Variants in ADAMTS3 observed in about 807,000 individuals in gnomAD.
ADAMTS3 encodes ADAM metallopeptidase with thrombospondin type 1 motif 3, also known as A disintegrin and metalloproteinase with thrombospondin motifs 3.
In ADAMTS3, 73 loss-of-function variants were observed where a neutral mutation model predicts 129.0. The ratio of observed to expected loss-of-function variants is 0.57; its 90% CI spans 0.47 to 0.69. The LOEUF (loss-of-function observed/expected upper bound fraction) is 0.69. ADAMTS3 is among the 30% of genes least tolerant of loss of function. The pLI, the probability that ADAMTS3 is intolerant of heterozygous loss-of-function variation, is 0.00. For missense variants in ADAMTS3, 1,457 were observed against 1,514.5 expected, an observed-to-expected ratio of 0.96 and a Z score of 0.63; for synonymous variants, 477 against 510.8, an observed-to-expected ratio of 0.93 and a Z score of 0.89.
intron 9 of ADAMTS3, 49 bp from the exon 10 acceptor site, chr4:72,318,753 T>C (rs573736986): frequency 6.4e-7 from 1 of 1,571,632 alleles, no homozygotes; most frequent in Non-Finnish European, 8.7e-7. Context: ...CTTAAAAAAA[T>C]CATGTCCTGA....
chr4:72,471,989 C>T (rs1166796652), intron 3 of ADAMTS3, among the ~76,000 whole-genome samples: 7 of 151,954 alleles, frequency 4.6e-5, no homozygotes, highest in Non-Finnish European at 1.5e-5. Context: ...GATCACTTCT[C>T]CCTCAGTTGG....
chr4:72,461,623 C>T (rs1305288920), intron 3 of ADAMTS3, among the ~76,000 whole-genome samples: 1 of 151,732 alleles, frequency 6.6e-6, no homozygotes, highest in Non-Finnish European at 1.5e-5. Flanking sequence ...TCTTGTGGAC[C>T]GATGGTAAAA....
intron 3 of ADAMTS3, 73 bp downstream of exon 3, chr4:72,548,405 T>C: frequency 6.7e-7 from 1 of 1,484,402 alleles, no homozygotes; most frequent in Non-Finnish European, 9.1e-7. Context: ...ACCTCCACCT[T>C]CCAAACTATG....
chr4:72,336,666 G>T (rs556179431), intron 5 of ADAMTS3, among the ~76,000 whole-genome samples: 7 of 152,272 alleles, frequency 4.6e-5, no homozygotes, highest in African/African-American at 1.7e-4. Context: ...AAATTATCCA[G>T]TTGGAGAGTG....
At chr4:72,469,324 A>T (rs1719002418) in intron 3 of ADAMTS3, among the ~76,000 whole-genome samples, 1 of 152,074 alleles carries the variant, frequency 6.6e-6, no homozygotes, top group Non-Finnish European at 1.5e-5. Context: ...CTACCTATAG[A>T]ATTCAAATGG....
intron 3 of ADAMTS3, among the ~76,000 whole-genome samples, chr4:72,482,318 A>G (rs996536739): frequency 2.6e-5 from 4 of 152,134 alleles, no homozygotes; most frequent in Non-Finnish European, 5.9e-5. Flanking sequence ...GGAATAGTAC[A>G]CATCAATAAA....
intron 4 of ADAMTS3, among the ~76,000 whole-genome samples, chr4:72,392,337 C>T (rs569690042): frequency 1.4e-5 from 2 of 139,142 alleles, no homozygotes; most frequent in East Asian, 3.9e-4. Context: ...CTTTCCACAG[C>T]CTTTATATTT....
At chr4:72,471,424 G>A (rs1039739187) in intron 3 of ADAMTS3, among the ~76,000 whole-genome samples, 6 of 151,914 alleles carry the variant, frequency 3.9e-5, no homozygotes, top group African/African-American at 1.5e-4. Flanking sequence ...TACTTGATAT[G>A]CTTTTGGATT....
At chr4:72,364,235 A>G (rs1720809568) in intron 4 of ADAMTS3, among the ~76,000 whole-genome samples, 1 of 152,084 alleles carries the variant, frequency 6.6e-6, no homozygotes, top group Non-Finnish European at 1.5e-5. Context: ...CAAAGAGAGA[A>G]AAAACGACAA....
intron 15 of ADAMTS3, among the ~76,000 whole-genome samples, chr4:72,308,356 T>C (rs1488868519): frequency 1.3e-5 from 2 of 151,934 alleles, no homozygotes; most frequent in East Asian, 3.9e-4. Context: ...GTATCAGGGG[T>C]ATAATGGGAA....
chr4:72,470,328 T>C (rs568494603), intron 3 of ADAMTS3, among the ~76,000 whole-genome samples: 1 of 147,044 alleles, frequency 6.8e-6, no homozygotes, highest in South Asian at 2.2e-4. Flanking sequence ...ACCATGAGGA[T>C]TACTCAAGTC....
intron 14 of ADAMTS3, 79 bp downstream of exon 14, chr4:72,310,969 A>T (rs1719216104): frequency 7.5e-7 from 1 of 1,330,336 alleles, no homozygotes; most frequent in Non-Finnish European, 1.0e-6. Flanking sequence ...AAAATAGTTT[A>T]AAAAATTAAA....
intron 4 of ADAMTS3, among the ~76,000 whole-genome samples, chr4:72,354,239 G>C (rs1720517589): frequency 6.6e-6 from 1 of 151,944 alleles, no homozygotes; most frequent in Non-Finnish European, 1.5e-5. Flanking sequence ...AATAAGAAGT[G>C]TCATCCTCCC....
In ADAMTS3 at chr4:72,312,521, G is replaced by A; in HGVS notation, c.1746-55C>T. 7.0e-6 allele frequency: 11 copies of A among 1,573,612 alleles called. No individual in the cohort carries two copies. The South Asian group carries it at 1.0e-4, about 15-fold the overall frequency. ...TTTTGGCTTCTGTCTAGCAGTTGAA[G>A]CTTGCAGACACAGTGCTTGAGGGCA... is the stretch of plus-strand genomic sequence containing the variant. On this transcript the variant is annotated intron_variant, in intron 12 of 21. Coordinates refer to ENST00000286657, the MANE Select transcript of ADAMTS3 (RefSeq NM_014243.3).
At chr4:72,424,258 C>A (rs1722517437) in intron 3 of ADAMTS3, among the ~76,000 whole-genome samples, 1 of 152,008 alleles carries the variant, frequency 6.6e-6, no homozygotes, top group Admixed American at 6.6e-5. Flanking sequence ...CCATCTGAAC[C>A]CACAATTCAA....
intron 3 of ADAMTS3, among the ~76,000 whole-genome samples, chr4:72,498,273 T>A (rs1316840456): frequency 6.6e-6 from 1 of 152,018 alleles, no homozygotes; most frequent in Non-Finnish European, 1.5e-5. Flanking sequence ...CCATCTATAG[T>A]GCTTTTAGGA....
intron 3 of ADAMTS3, among the ~76,000 whole-genome samples, chr4:72,443,743 A>G (rs1718179896): frequency 6.6e-6 from 1 of 150,932 alleles, no homozygotes; most frequent in African/African-American, 2.4e-5. Context: ...CATTTGAACC[A>G]CTCCTTTTTC....
chr4:72,346,467 A>G (rs996148960), intron 4 of ADAMTS3, among the ~76,000 whole-genome samples: 2 of 152,066 alleles, frequency 1.3e-5, no homozygotes, highest in Non-Finnish European at 2.9e-5. Context: ...CTTGGCCTCA[A>G]TATTTTTTGA....
chr4:72,324,427 A>G (rs1464105711), intron 5 of ADAMTS3, among the ~76,000 whole-genome samples: 2 of 152,200 alleles, frequency 1.3e-5, no homozygotes, highest in Non-Finnish European at 2.9e-5. Context: ...GAAGTCACAA[A>G]CAAGAAAAGA....
Sources: allele counts gnomAD v4.1 joint callset (sites outside exome capture counted in the v4.1 genomes callset), GRCh38; gene constraint gnomAD v4.1.1; transcripts MANE v1.5; gene names NCBI Gene and HGNC (gene_info 2026-07-23, HGNC 2026-07-21).